The following LYPLA1 variants were observed in gnomAD, a reference collection of about 807,000 sequenced individuals.
The protein encoded by LYPLA1 is lysophospholipase 1, also known as acyl-protein thioesterase 1.
A neutral mutation model predicts 34.0 loss-of-function variants in LYPLA1; 17 were observed. The ratio of observed to expected loss-of-function variants is 0.50; its 90% CI spans 0.34 to 0.75. The LOEUF (loss-of-function observed/expected upper bound fraction) is 0.75, where lower values mean the gene tolerates loss of function less well. Among genes scored for constraint, LYPLA1 ranks in the 30% least tolerant of loss-of-function variants. The pLI, the probability that LYPLA1 is intolerant of heterozygous loss-of-function variation, is 0.01. For missense variants in LYPLA1, 203 were observed against 288.8 expected, an observed-to-expected ratio of 0.70 and a Z score of 2.15; for synonymous variants, 98 against 100.8, an observed-to-expected ratio of 0.97 and a Z score of 0.17.
intron 2 of LYPLA1, among the ~76,000 whole-genome samples, chr8:54,096,221 C>T (rs1413832276): frequency 6.6e-6 from 1 of 152,148 alleles, no homozygotes; most frequent in African/African-American, 2.4e-5. Context: ...GTTATTTCTG[C>T]AACTTTTATG....
At chr8:54,074,961 C>A (rs1807779011) in intron 2 of LYPLA1, among the ~76,000 whole-genome samples, 1 of 152,196 alleles carries the variant, frequency 6.6e-6, no homozygotes, top group East Asian at 1.9e-4. Flanking sequence ...GGTAATGCCC[C>A]AGGCTATACT....
intron 2 of LYPLA1, among the ~76,000 whole-genome samples, chr8:54,086,495 A>AAAG (rs551147175): frequency 0.072 from 9,556 of 132,444 alleles, 1,695 homozygotes; most frequent in African/African-American, 0.3. Context: ...CCGCCCAAAA[A>AAAG]AAGGAACAGT....
intron 2 of LYPLA1, among the ~76,000 whole-genome samples, chr8:54,083,060 A>G (rs1055591597): frequency 1.3e-5 from 2 of 152,154 alleles, no homozygotes; most frequent in Non-Finnish European, 2.9e-5. Flanking sequence ...ATGTTCGCAG[A>G]CATCATTTTT....
chr8:54,063,661 G>T (rs1003470180), intron 3 of LYPLA1, among the ~76,000 whole-genome samples: 2 of 152,174 alleles, frequency 1.3e-5, no homozygotes, highest in African/African-American at 4.8e-5. Flanking sequence ...GACACGAGAA[G>T]AGAAACCAGA....
intron 5 of LYPLA1, among the ~76,000 whole-genome samples, chr8:54,060,738 G>C (rs540264567): frequency 3.4e-5 from 5 of 146,500 alleles, no homozygotes; most frequent in South Asian, 4.3e-4. Flanking sequence ...TGTCACCCAG[G>C]CTGGAGTGCA....
chr8:54,058,491 C>A lies in LYPLA1; in HGVS notation c.287-3358G>T, dbSNP rs183987307. 2.1e-3 allele frequency among the ~76,000 whole-genome samples: 316 copies of A among 152,254 alleles called. 1 individual carries two copies. The highest frequency in any genetic ancestry group is 7.2e-3 in the African/African-American group (299 of 41,538). Reference sequence around the variant, plus strand: ...CCCAGGAGGTGGAGGTTGCAGTGAGCTGAGATTGCGCCACTGCACTCCAGC... The same window carrying A: ...CCCAGGAGGTGGAGGTTGCAGTGAGATGAGATTGCGCCACTGCACTCCAGC... On this transcript the variant is annotated intron_variant, in intron 5 of 8. Coordinates refer to ENST00000316963, the MANE Select transcript of LYPLA1 (RefSeq NM_006330.4).
chr8:54,076,213 A>C (rs1807889904), intron 2 of LYPLA1, among the ~76,000 whole-genome samples: 1 of 152,056 alleles, frequency 6.6e-6, no homozygotes, highest in Non-Finnish European at 1.5e-5. Flanking sequence ...CACCCTACAA[A>C]CTTGTCTTTG....
At chr8:54,079,357 G>A (rs371618097) in intron 2 of LYPLA1, among the ~76,000 whole-genome samples, 42 of 152,116 alleles carry the variant, frequency 2.8e-4, no homozygotes, top group African/African-American at 9.2e-4. Context: ...AGATTTTAAT[G>A]TGTATAATAA....
At chr8:54,084,138 AT>A (rs1563642511) in intron 2 of LYPLA1, among the ~76,000 whole-genome samples, 16 of 131,114 alleles carry the variant, frequency 1.2e-4, no homozygotes, top group African/African-American at 5.0e-4. Context: ...AAAAAAATAA[AT>A]AAATATATAT....
chr8:54,048,050 G>C lies in LYPLA1; in HGVS notation c.*15C>G, dbSNP rs562054386. The C allele has an allele frequency of 4.5e-6, 7 of 1,568,918 alleles. No homozygotes were observed. Among genetic ancestry groups the C allele is most frequent in the Non-Finnish European group, 4.4e-6 (5 of 1,140,140 alleles). On this transcript the variant is annotated 3_prime_UTR_variant, in exon 9 of 9. Coordinates refer to ENST00000316963, the MANE Select transcript of LYPLA1 (RefSeq NM_006330.4). ...ATGATGCTGGTGTACTTCTACACAA[G>C]GCCTCTTAGTGACGTCAATCAATTG...
intron 2 of LYPLA1, among the ~76,000 whole-genome samples, chr8:54,084,921 C>G (rs1414516477): frequency 6.6e-6 from 1 of 152,158 alleles, no homozygotes; most frequent in African/African-American, 2.4e-5. Flanking sequence ...CCCAGTACCA[C>G]ATGGCTTCAA....
chr8:54,070,358 A>G (rs1807371855), intron 2 of LYPLA1, among the ~76,000 whole-genome samples: 1 of 152,128 alleles, frequency 6.6e-6, no homozygotes, highest in Non-Finnish European at 1.5e-5. Context: ...TTGTACACAA[A>G]TGTTCTTTTT....
chr8:54,055,199 T>C, intron 5 of LYPLA1, 66 bp from the exon 6 acceptor site: 2 of 891,206 alleles, frequency 2.2e-6, no homozygotes, highest in South Asian at 3.1e-5. Flanking sequence ...AAATTTAAAT[T>C]AGGAAAAAAT....
chr8:54,073,596 T>A, intron 2 of LYPLA1: 1 of 538,898 alleles, frequency 1.9e-6, no homozygotes. Context: ...TACAGAAGTA[T>A]AATTTTAGAT....
At chr8:54,081,299 T>A (rs1322809868) in intron 2 of LYPLA1, among the ~76,000 whole-genome samples, 1 of 152,176 alleles carries the variant, frequency 6.6e-6, no homozygotes, top group Non-Finnish European at 1.5e-5. Context: ...TTGTGCTACT[T>A]CTCTTAACTG....
intron 2 of LYPLA1, among the ~76,000 whole-genome samples, chr8:54,084,141 A>AATATATATATATATAT (rs760476706): frequency 2.5e-5 from 3 of 118,612 alleles, no homozygotes; most frequent in African/African-American, 9.2e-5. Flanking sequence ...AAAATAAATA[A>AATATATATATATATAT]ATATATATAT....
At chr8:54,064,915 T>G (rs1476631093) in intron 3 of LYPLA1, among the ~76,000 whole-genome samples, 1 of 152,150 alleles carries the variant, frequency 6.6e-6, no homozygotes. Context: ...CTAATTTGCA[T>G]TGGGCTGCAT....
chr8:54,094,009 T>C (rs1265510230), intron 2 of LYPLA1, among the ~76,000 whole-genome samples: 3 of 152,212 alleles, frequency 2.0e-5, no homozygotes, highest in Non-Finnish European at 4.4e-5. Flanking sequence ...TAGTTCTTGA[T>C]TACAGGAAGA....
At chr8:54,074,760 C>G (rs1231057776) in intron 2 of LYPLA1, among the ~76,000 whole-genome samples, 1 of 152,370 alleles carries the variant, frequency 6.6e-6, no homozygotes, top group Non-Finnish European at 1.5e-5. Context: ...TGGAACCTAA[C>G]TCTCTTTGGC....
Sources: gnomAD v4.1 joint callset for allele counts (sites outside exome capture counted in the v4.1 genomes callset) on GRCh38, gnomAD v4.1.1 for gene constraint, MANE v1.5 for transcripts, NCBI Gene and HGNC (gene_info 2026-07-23, HGNC 2026-07-21) for gene names.